The following CDH13 variants were observed in gnomAD, a reference collection of about 807,000 sequenced individuals.
The protein encoded by CDH13 is cadherin 13, also known as cadherin-13.
In CDH13, 24 loss-of-function variants were observed where a neutral mutation model predicts 63.8. The ratio of observed to expected loss-of-function variants is 0.38; its 90% CI spans 0.27 to 0.53. The LOEUF (loss-of-function observed/expected upper bound fraction) is 0.53, where lower values mean the gene tolerates loss of function less well. Ranked by LOEUF, CDH13 falls within the 20% of genes least tolerant of loss-of-function variation. The probability of loss-of-function intolerance (pLI) is 0.85; values close to 1 mark genes in which losing one functional copy is unlikely to be tolerated. For synonymous variants in CDH13, 503 were observed against 355.3 expected (o/e 1.42, Z -4.67); for missense variants, 1,049 against 903.1 (o/e 1.16, Z -2.07).
intron 13 of CDH13, among the ~76,000 whole-genome samples, chr16:83,792,744 CATCAATGGCT>C (rs149087538): frequency 0.047 from 7,095 of 152,302 alleles, 198 homozygotes; most frequent in Middle Eastern, 0.065. Flanking sequence ...ACCCTGACAA[CATCAATGGCT>C]TTTGCCCATT....
At chr16:83,236,074 A>G (rs1336324413) in intron 5 of CDH13, among the ~76,000 whole-genome samples, 1 of 152,238 alleles carries the variant, frequency 6.6e-6, no homozygotes, top group Non-Finnish European at 1.5e-5. Context: ...TGCCTATTTT[A>G]AGCCTGGTAG....
intron 1 of CDH13, among the ~76,000 whole-genome samples, chr16:82,731,595 C>G (rs949489137): frequency 6.6e-6 from 1 of 152,164 alleles, no homozygotes; most frequent in Non-Finnish European, 1.5e-5. Flanking sequence ...TATTTTCAAT[C>G]TTGCTTGTTC....
chr16:83,732,675 TCATA>T (rs1303920096), intron 10 of CDH13, among the ~76,000 whole-genome samples: 2 of 152,124 alleles, frequency 1.3e-5, no homozygotes, highest in African/African-American at 4.8e-5. Context: ...GCTGGCATCC[TCATA>T]CAGAGGGAGG....
intron 6 of CDH13, among the ~76,000 whole-genome samples, chr16:83,379,938 T>TAGAGAGAGAGAGAG (rs71148831): frequency 1.9e-4 from 23 of 123,438 alleles, no homozygotes; most frequent in African/African-American, 3.9e-4. Flanking sequence ...TATATATATA[T>TAGAGAGAGAGAGAG]AGAGAGAGAG....
intron 9 of CDH13, among the ~76,000 whole-genome samples, chr16:83,673,279 G>A (rs911181468): frequency 6.6e-6 from 1 of 152,152 alleles, no homozygotes; most frequent in African/African-American, 2.4e-5. Flanking sequence ...ATCGGACATA[G>A]CACATTGCAG....
intron 6 of CDH13, among the ~76,000 whole-genome samples, chr16:83,379,420 T>A (rs1447299192): frequency 6.6e-6 from 1 of 152,110 alleles, no homozygotes; most frequent in Non-Finnish European, 1.5e-5. Flanking sequence ...GATGGATGGA[T>A]GGTAAGGTTA....
At chr16:83,061,002 G>A (rs1317578468) in intron 3 of CDH13, among the ~76,000 whole-genome samples, 1 of 152,152 alleles carries the variant, frequency 6.6e-6, no homozygotes, top group African/African-American at 2.4e-5. Flanking sequence ...AGAGGGCCTG[G>A]CACATAGTGG....
chr16:82,951,075 C>G (rs1041699917), intron 2 of CDH13, among the ~76,000 whole-genome samples: 3 of 152,158 alleles, frequency 2.0e-5, no homozygotes, highest in African/African-American at 7.2e-5. Context: ...CTTCCCTTGG[C>G]TCAATCTTCA....
intron 2 of CDH13, among the ~76,000 whole-genome samples, chr16:82,971,086 C>T (rs1401094511): frequency 2.0e-5 from 3 of 152,218 alleles, no homozygotes; most frequent in Non-Finnish European, 4.4e-5. Context: ...AGAACAAACA[C>T]ATTCTGAGAA....
chr16:83,344,846 C>A lies in CDH13; in HGVS notation c.637-16C>A. The A allele has an allele frequency of 6.2e-7, 1 of 1,613,044 alleles. No individual in the cohort carries two copies. The highest frequency in any genetic ancestry group is 8.5e-7 in the Non-Finnish European group (1 of 1,179,146). On this transcript the variant is annotated splice_polypyrimidine_tract_variant and intron_variant, in intron 5 of 13. Transcript: ENST00000567109. ...ATTAATATCTTCTTTCTCCCCCAAT[C>A]TCTTTGCTCAAATAGCTATTTGTGG...
intron 1 of CDH13, among the ~76,000 whole-genome samples, chr16:82,756,036 A>G (rs1333763794): frequency 6.6e-6 from 1 of 152,208 alleles, no homozygotes; most frequent in Admixed American, 6.5e-5. Flanking sequence ...CTGGGAAGCA[A>G]TAAAGCAAGT....
At chr16:83,481,042 G>A (rs554688294) in intron 6 of CDH13, among the ~76,000 whole-genome samples, 2 of 152,232 alleles carry the variant, frequency 1.3e-5, no homozygotes, top group South Asian at 2.1e-4. Context: ...GGTTTGATTG[G>A]AATTAGAACT....
chr16:83,081,443 G>A (rs2033246997), intron 3 of CDH13, among the ~76,000 whole-genome samples: 1 of 152,178 alleles, frequency 6.6e-6, no homozygotes, highest in Non-Finnish European at 1.5e-5. Context: ...CCAGCGTTTA[G>A]AGAATAGGGT....
chr16:83,389,859 A>G (rs1024702537), intron 6 of CDH13, among the ~76,000 whole-genome samples: 5 of 152,222 alleles, frequency 3.3e-5, no homozygotes, highest in Non-Finnish European at 5.9e-5. Context: ...CCTTAAATCT[A>G]CGAAGAACAT....
At chr16:82,909,362 T>A (rs1467216568) in intron 2 of CDH13, among the ~76,000 whole-genome samples, 1 of 152,004 alleles carries the variant, frequency 6.6e-6, no homozygotes, top group African/African-American at 2.4e-5. Flanking sequence ...AAATAAAATG[T>A]GTGCGTTAAA....
intron 7 of CDH13, among the ~76,000 whole-genome samples, chr16:83,536,094 G>A (rs2075182199): frequency 6.6e-6 from 1 of 152,144 alleles, no homozygotes; most frequent in African/African-American, 2.4e-5. Context: ...GGAAATGGGT[G>A]GCATATGGCA....
intron 2 of CDH13, among the ~76,000 whole-genome samples, chr16:82,892,637 A>G (rs2041118620): frequency 6.6e-6 from 1 of 152,268 alleles, no homozygotes; most frequent in African/African-American, 2.4e-5. Context: ...GGATGGATCT[A>G]AGAAGTATAA....
intron 7 of CDH13, 117 bp downstream of exon 7, chr16:83,486,772 G>T (rs905025284): frequency 1.1e-6 from 1 of 896,680 alleles, no homozygotes. Flanking sequence ...CAGAAATGAG[G>T]TGTTTACCAT....
intron 3 of CDH13, among the ~76,000 whole-genome samples, chr16:83,061,822 C>A (rs1463004215): frequency 6.6e-6 from 1 of 152,172 alleles, no homozygotes; most frequent in African/African-American, 2.4e-5. Context: ...AAAATTGAAA[C>A]GTAATTCAAC....
Sources: gnomAD v4.1 joint callset for allele counts (sites outside exome capture counted in the v4.1 genomes callset) on GRCh38, gnomAD v4.1.1 for gene constraint, MANE v1.5 for transcripts, NCBI Gene and HGNC (gene_info 2026-07-23, HGNC 2026-07-21) for gene names.